Variants in ZNF184 observed in about 807,000 individuals in gnomAD.
ZNF184 encodes zinc finger protein 184, also known as zinc finger protein 184 (Kruppel-like).
ZNF184 carries 16 observed loss-of-function variants against 54.4 expected under a neutral mutation model. The observed-to-expected ratio is 0.29, with a 90% confidence interval of 0.20 to 0.45. The LOEUF (loss-of-function observed/expected upper bound fraction) is 0.45. Ranked by LOEUF, ZNF184 falls within the 20% of genes least tolerant of loss-of-function variation. The pLI is 1.00. For synonymous variants in ZNF184, 254 were observed against 295.3 expected (o/e 0.86, Z 1.43); for missense variants, 681 against 888.2 (o/e 0.77, Z 2.97).
chr6:27,420,259 A>T, the ZNF184 span, among the ~76,000 whole-genome samples: 16 of 152,176 alleles, frequency 1.1e-4, no homozygotes, highest in African/African-American at 3.9e-4. Context: ...AACCACTACT[A>T]AATACTTCCT....
the ZNF184 span, among the ~76,000 whole-genome samples, chr6:27,437,686 C>T: frequency 5.3e-5 from 8 of 152,216 alleles, no homozygotes; most frequent in African/African-American, 1.7e-4. Flanking sequence ...GTCATCTGAA[C>T]TGTCTTGACT....
intron 2 of ZNF184, among the ~76,000 whole-genome samples, chr6:27,470,341 G>T (rs572635333): frequency 6.6e-6 from 1 of 152,226 alleles, no homozygotes; most frequent in African/African-American, 2.4e-5. Flanking sequence ...AGGCAGGTGG[G>T]GGTGATGAAT....
At chr6:27,426,010 G>T in the ZNF184 span, among the ~76,000 whole-genome samples, 1 of 152,152 alleles carries the variant, frequency 6.6e-6, no homozygotes, top group Non-Finnish European at 1.5e-5. This position sits in a 1 kb window ranked among gnomAD's most constrained non-coding sequence, Gnocchi z 4.2. Context: ...TCTACTACAG[G>T]TTTCTAAAAC....
chr6:27,460,037 C>T (rs899857663), intron 3 of ZNF184, among the ~76,000 whole-genome samples: 7 of 152,098 alleles, frequency 4.6e-5, no homozygotes, highest in East Asian at 3.9e-4. Flanking sequence ...CGTGGTGGCA[C>T]GCACCTGTAG....
the ZNF184 span, among the ~76,000 whole-genome samples, chr6:27,417,327 C>G: frequency 6.6e-6 from 1 of 152,064 alleles, no homozygotes; most frequent in Non-Finnish European, 1.5e-5. Flanking sequence ...TATCAAAACC[C>G]TATTTCAGCC....
chr6:27,463,293 A>G (rs1459707684), intron 3 of ZNF184, among the ~76,000 whole-genome samples: 1 of 151,914 alleles, frequency 6.6e-6, no homozygotes, highest in Non-Finnish European at 1.5e-5. Flanking sequence ...AAGAAAAAAA[A>G]AAAACTAAAT....
chr6:27,451,366 A>G lies in ZNF184; in HGVS notation c.2193T>C (p.Cys731=). ...SGEKPFGCND[C]GKSFRYRSAL... ...CAGAGCGATATCTGAAGGATTTTCC[A>G]CAATCATTACATCCAAAAGGCTTCT... Residue 731 remains cysteine, a synonymous_variant, in exon 6 of 6, where the codon TGT becomes TGC. Transcript: ENST00000683788. 1 of 1,613,998 alleles carries G rather than the reference A, an allele frequency of 6.2e-7. No individual in the cohort carries two copies. Among genetic ancestry groups the G allele is most frequent in the Non-Finnish European group, 8.5e-7 (1 of 1,179,926 alleles).
At chr6:27,444,935 G>T in the ZNF184 span, among the ~76,000 whole-genome samples, 1 of 152,106 alleles carries the variant, frequency 6.6e-6, no homozygotes, top group African/African-American at 2.4e-5. Flanking sequence ...ACTTTGCTTA[G>T]ATAGCTAAAT....
At chr6:27,446,030 A>T (rs751120695), downstream of ZNF184, among the ~76,000 whole-genome samples, 4 of 152,240 alleles carry the variant, frequency 2.6e-5, no homozygotes, top group African/African-American at 4.8e-5. Context: ...TTAAAAGAGA[A>T]TCAGGGTAGA....
downstream of ZNF184, among the ~76,000 whole-genome samples, chr6:27,446,526 C>T (rs1762638310): frequency 1.3e-5 from 2 of 152,160 alleles, no homozygotes; most frequent in Non-Finnish European, 2.9e-5. Flanking sequence ...GTCTGGGGGC[C>T]CAGGCAGAGA....
chr6:27,430,779 A>T, the ZNF184 span, among the ~76,000 whole-genome samples: 52 of 152,358 alleles, frequency 3.4e-4, no homozygotes, highest in Admixed American at 7.2e-4. Context: ...TAGGAAACAA[A>T]TATACTCTTC....
chr6:27,467,159 C>T (rs1226918992), intron 3 of ZNF184, among the ~76,000 whole-genome samples: 1 of 152,138 alleles, frequency 6.6e-6, no homozygotes. Flanking sequence ...TAGAGGCATC[C>T]CAAGTCCCCC....
the ZNF184 span, among the ~76,000 whole-genome samples, chr6:27,441,008 A>T: frequency 6.6e-6 from 1 of 152,074 alleles, no homozygotes; most frequent in East Asian, 1.9e-4. Context: ...CTGTCTCAAA[A>T]AAATAAATAA....
In ZNF184 at chr6:27,451,754, G is replaced by A; in HGVS notation, c.1805C>T (p.Thr602Ile). 6.2e-7 allele frequency: 1 copy of A among 1,613,988 alleles called. No individual in the cohort carries two copies. The change falls in exon 6 of 6, where the codon ACA becomes ATA. Residue 602 changes from threonine (T) to isoleucine (I), a missense_variant. Coordinates refer to ENST00000683788, the MANE Select transcript of ZNF184 (RefSeq NM_001318891.2). Reference protein sequence around the residue: ...GRAFNQNIHLTQHKRIHTGAK... With the variant: ...GRAFNQNIHLIQHKRIHTGAK... ...TCCTGTATGAATTCTCTTATGCTGTGTAAGGTGTATGTTCTGGTTGAATGC... is the reference window on the plus strand; with the variant it reads ...TCCTGTATGAATTCTCTTATGCTGTATAAGGTGTATGTTCTGGTTGAATGC...
At chr6:27,467,967 T>C (rs1242462729) in intron 2 of ZNF184, 47 bp from the exon 3 acceptor site, 4 of 1,400,446 alleles carry the variant, frequency 2.9e-6, no homozygotes, top group Non-Finnish European at 2.9e-6. Context: ...AATTTAGCCA[T>C]TCCCAGCAAT....
the ZNF184 span, among the ~76,000 whole-genome samples, chr6:27,413,025 T>C: frequency 3.3e-5 from 5 of 151,934 alleles, no homozygotes; most frequent in Admixed American, 1.3e-4. Flanking sequence ...TCACCTGAAG[T>C]TGGGAGTTCG....
rs1762712545 is a variant in ZNF184 at position 27,451,345 on chromosome 6, G to A, written c.2214C>T (p.Arg738=). The part of the protein sequence containing the change: ...CNDCGKSFRY[R]SALNKHQRLH... ...GTCTCTGATGTTTGTTGAGAGCAGA[G>A]CGATATCTGAAGGATTTTCCACAAT... The change falls in exon 6 of 6, where the codon CGC becomes CGT. Residue 738 remains arginine (R), a synonymous_variant. Coordinates refer to ENST00000683788, the MANE Select transcript of ZNF184 (RefSeq NM_001318891.2). 6.2e-7 allele frequency: 1 copy of A among 1,613,408 alleles called. No homozygotes were observed. Among genetic ancestry groups the A allele is most frequent in the Non-Finnish European group, 8.5e-7 (1 of 1,179,696 alleles).
chr6:27,442,800 AAGAG>A, the ZNF184 span, among the ~76,000 whole-genome samples: 1 of 54,150 alleles, frequency 1.8e-5, no homozygotes, highest in Non-Finnish European at 4.1e-5. Context: ...GAAAGAAAGA[AAGAG>A]AAAGAAAGAG....
At chr6:27,444,879 A>G in the ZNF184 span, among the ~76,000 whole-genome samples, 2 of 152,104 alleles carry the variant, frequency 1.3e-5, no homozygotes, top group African/African-American at 4.8e-5. Context: ...TTGCATATCC[A>G]ACAGTCTTGA....
Sources: gnomAD v4.1 joint callset for allele counts (sites outside exome capture counted in the v4.1 genomes callset) on GRCh38, gnomAD v4.1.1 for gene constraint, Gnocchi (gnomAD v3.1) non-coding constraint, MANE v1.5 for transcripts, NCBI Gene and HGNC (gene_info 2026-07-23, HGNC 2026-07-21) for gene names.